The following ARL2BP variants were observed in gnomAD, a reference collection of about 807,000 sequenced individuals.
The protein encoded by ARL2BP is ADP-ribosylation factor-like protein 2-binding protein.
Under a neutral mutation model 24.2 loss-of-function variants are expected in ARL2BP, and 19 were observed. That is an observed-to-expected ratio of 0.79 (90% confidence interval 0.55 to 1.15). ARL2BP has a LOEUF of 1.15. Among genes scored for constraint, ARL2BP ranks in the 50% most tolerant of loss-of-function variants. The pLI is 0.00. For missense variants in ARL2BP, 160 were observed against 190.4 expected (o/e 0.84, Z 0.94); for synonymous variants, 56 against 70.5 (o/e 0.79, Z 1.03).
chr16:57,251,364 A>G (rs533789551), intron 5 of ARL2BP: 1 of 152,094 alleles, frequency 6.6e-6, no homozygotes, highest in Non-Finnish European at 1.5e-5. Flanking sequence ...TTGTACTGCT[A>G]CAGTCCAGCC....
chr16:57,245,981 T>G lies in ARL2BP; in HGVS notation c.39-99T>G. 7 of 1,175,132 alleles carry G rather than the reference T, an allele frequency of 6.0e-6. No homozygotes were observed. The South Asian group carries it at 8.9e-5, about 15-fold the overall frequency. 72.8% of individuals were successfully genotyped at this position (1,175,132 alleles called of 1,614,324 possible). A position where few individuals can be genotyped will look rare whatever the true frequency, so the allele number is the denominator to read the frequency against. The stretch of plus-strand genomic sequence containing the variant: ...ATGGGTGATGGGAAGTTCGTTTTGC[T>G]ACTCTTTTTTCTCTTGTGCATGTTT... On this transcript the variant is annotated intron_variant, in intron 1 of 5. Transcript: ENST00000219204.
intron 4 of ARL2BP, chr16:57,250,142 TAGTC>T (rs1567526286): frequency 1.2e-5 from 7 of 591,076 alleles, no homozygotes; most frequent in East Asian, 2.8e-5. Flanking sequence ...AAAAATAAAT[TAGTC>T]AGGTGTGGTG....
Position 57,250,633 on chromosome 16 carries a change from AG to A in ARL2BP, c.390+127del, listed in dbSNP as rs562093468. On this transcript the variant is annotated intron_variant, in intron 5 of 5. Transcript: ENST00000219204. Reference sequence around the variant, plus strand: ...CCTTCAAACTGGCCGATGAGGCATCAGAAGAGTGAGCTGCTATTCTGTTGTG... The same window carrying A: ...CCTTCAAACTGGCCGATGAGGCATCAAAGAGTGAGCTGCTATTCTGTTGTG... 1.0e-4 allele frequency: 75 copies of A among 721,038 alleles called. No individual in the cohort carries two copies. In the African/African-American group the frequency reaches 1.3e-3, roughly 12 times the overall value. 44.7% of individuals were successfully genotyped at this position (721,038 alleles called of 1,614,324 possible).
chr16:57,250,216 G>A, intron 4 of ARL2BP, 195 bp from the exon 5 acceptor site: 1 of 608,784 alleles, frequency 1.6e-6, no homozygotes, highest in Non-Finnish European at 2.9e-6. Flanking sequence ...CTTGAGCCCA[G>A]CAGTTCAAGG....
At chr16:57,245,817 G>C (rs1293444629) in intron 1 of ARL2BP, 1 of 561,720 alleles carries the variant, frequency 1.8e-6, no homozygotes, top group African/African-American at 1.9e-5. Flanking sequence ...GACAGGTATG[G>C]GGTGATAGCT....
intron 5 of ARL2BP, 187 bp from the exon 6 acceptor site, chr16:57,251,979 T>TA (rs1377560939): frequency 7.2e-6 from 4 of 555,936 alleles, no homozygotes; most frequent in Admixed American, 3.2e-5. Context: ...AAAATAATAT[T>TA]AAAAAAAATT....
intron 5 of ARL2BP, chr16:57,251,939 T>A (rs1392451877): frequency 6.3e-6 from 3 of 472,774 alleles, no homozygotes; most frequent in Non-Finnish European, 1.1e-5. Context: ...TACTCCAGCC[T>A]GGGTGACAGA....
intron 5 of ARL2BP, 90 bp downstream of exon 5, chr16:57,250,597 C>T: frequency 1.0e-6 from 1 of 988,198 alleles, no homozygotes; most frequent in Non-Finnish European, 1.6e-6. Flanking sequence ...CACGCTTCCC[C>T]CATCATTCTC....
chr16:57,250,334 G>A, intron 4 of ARL2BP, 77 bp from the exon 5 acceptor site: 2 of 1,323,792 alleles, frequency 1.5e-6, no homozygotes, highest in South Asian at 2.4e-5. Flanking sequence ...GGCTGGGGTG[G>A]TGGAAAGAAA....
intron 2 of ARL2BP, among the ~76,000 whole-genome samples, chr16:57,246,670 A>G (rs554372673): frequency 2.0e-5 from 3 of 152,030 alleles, no homozygotes; most frequent in African/African-American, 2.4e-5. Flanking sequence ...CGGGCGTGGT[A>G]GCGGGCGCCT....
chr16:57,248,833 C>T (rs1297987388), intron 3 of ARL2BP, among the ~76,000 whole-genome samples, 190 bp downstream of exon 3: 1 of 152,136 alleles, frequency 6.6e-6, no homozygotes, highest in Non-Finnish European at 1.5e-5. Flanking sequence ...AAAAGGCTTT[C>T]AGGCAAATAT....
chr16:57,247,385 T>C lies in ARL2BP; in HGVS notation c.101-1152T>C, dbSNP rs1252152836. On this transcript the variant is annotated intron_variant, in intron 2 of 5. Transcript: ENST00000219204. ...TTTTTAGAAATAATCTATTCAGTTGTTAAAATTCCTTATTCCGGGATGGGT... is the reference window on the plus strand; with the variant it reads ...TTTTTAGAAATAATCTATTCAGTTGCTAAAATTCCTTATTCCGGGATGGGT... The C allele has an allele frequency of 2.6e-5, 4 of 152,180 alleles. No individual in the cohort carries two copies. In the East Asian group the frequency reaches 7.7e-4, roughly 29 times the overall value. The allele number at this position is 152,180 out of a possible 1,614,324, so 9.4% of individuals were successfully genotyped here.
At chr16:57,251,635 G>A (rs16968348) in intron 5 of ARL2BP, 5,094 of 152,090 alleles carry the variant, frequency 0.033, 266 homozygotes, top group African/African-American at 0.12. Flanking sequence ...TCCAGTGAAG[G>A]GAGGTACATT....
rs750498133 is a variant in ARL2BP at position 57,250,628 on chromosome 16, G to A, written c.390+121G>A. ...TTCTCCCTTCAAACTGGCCGATGAGGCATCAGAAGAGTGAGCTGCTATTCT... is the reference window on the plus strand; with the variant it reads ...TTCTCCCTTCAAACTGGCCGATGAGACATCAGAAGAGTGAGCTGCTATTCT... On this transcript the variant is annotated intron_variant, in intron 5 of 5. Transcript: ENST00000219204. The A allele has an allele frequency of 5.7e-5, 43 of 759,196 alleles. 1 individual carries two copies. The highest frequency in any genetic ancestry group is 9.1e-5 in the Non-Finnish European group (41 of 449,160). 47.0% of individuals were successfully genotyped at this position (759,196 alleles called of 1,614,324 possible). A position where few individuals can be genotyped will look rare whatever the true frequency, so the allele number is the denominator to read the frequency against.
chr16:57,251,443 G>T, intron 5 of ARL2BP: 1 of 152,846 alleles, frequency 6.5e-6, no homozygotes, highest in Non-Finnish European at 1.5e-5. Context: ...GTTGGGTGTG[G>T]TTGTGCATGC....
chr16:57,246,720 C>T (rs866759338), intron 2 of ARL2BP, among the ~76,000 whole-genome samples: 4 of 152,264 alleles, frequency 2.6e-5, no homozygotes, highest in Middle Eastern at 3.4e-3. Context: ...AGGAAAATGG[C>T]GTGAACCTGG....
At chr16:57,245,902 T>A in intron 1 of ARL2BP, 178 bp from the exon 2 acceptor site, 1 of 640,006 alleles carries the variant, frequency 1.6e-6, no homozygotes. Context: ...GTGCCGAGTG[T>A]GTTTTCTTCT....
chr16:57,250,781 A>ATT (rs1265325145), intron 5 of ARL2BP: 33 of 335,740 alleles, frequency 9.8e-5, no homozygotes, highest in Admixed American at 1.4e-4. Context: ...TCTTTTATTT[A>ATT]TTTTTTTTTT....
In ARL2BP at chr16:57,251,400, C is replaced by CA. The variant is rs202213377; in HGVS notation, c.391-753dup. ...TGGGTGACAGAGTCAGACCCTGTGTCAAAAAAAAAAAAAGAAAAGAAAAAG... is the reference window on the plus strand; with the variant it reads ...TGGGTGACAGAGTCAGACCCTGTGTCAAAAAAAAAAAAAAGAAAAGAAAAAG... On this transcript the variant is annotated intron_variant, in intron 5 of 5. Coordinates refer to ENST00000219204, the MANE Select transcript of ARL2BP (RefSeq NM_012106.4). 7.6e-3 allele frequency: 946 copies of CA among 124,974 alleles called. 7 individuals carry two copies. Among genetic ancestry groups the CA allele is most frequent in the African/African-American group, 0.024 (796 of 33,620 alleles). 7.7% of individuals were successfully genotyped at this position (124,974 alleles called of 1,614,324 possible).
Sources: allele counts gnomAD v4.1 joint callset (sites outside exome capture counted in the v4.1 genomes callset), GRCh38; gene constraint gnomAD v4.1.1; transcripts MANE v1.5; gene names NCBI Gene and HGNC (gene_info 2026-07-23, HGNC 2026-07-21).